Variants in RPE65 observed in about 807,000 individuals in gnomAD.
The protein encoded by RPE65 is retinoid isomerohydrolase RPE65.
In RPE65, 58 loss-of-function variants were observed where a neutral mutation model predicts 68.5. The observed-to-expected ratio is 0.85, with a 90% CI of 0.69 to 1.05. RPE65 has a LOEUF of 1.05. Among genes scored for constraint, RPE65 ranks in the 50% least tolerant of loss-of-function variants. The pLI is 0.00. For missense variants in RPE65, 643 were observed against 629.9 expected, an observed-to-expected ratio of 1.02 and a Z score of -0.22; for synonymous variants, 220 against 222.2, an observed-to-expected ratio of 0.99 and a Z score of 0.09.
At chr1:68,445,451 A>T (rs1156536765) in intron 3 of RPE65, among the ~76,000 whole-genome samples, 1 of 152,012 alleles carries the variant, frequency 6.6e-6, no homozygotes, top group Non-Finnish European at 1.5e-5. Context: ...TAGACAGCAT[A>T]CTTTGCCCAG....
In RPE65 at chr1:68,448,617, G is replaced by A. The variant is rs1468262113; in HGVS notation, c.94+7C>T. 1 of 1,613,626 alleles carries A rather than the reference G, an allele frequency of 6.2e-7. No individual in the cohort carries two copies. Among genetic ancestry groups the A allele is most frequent in the South Asian group, 1.1e-5 (1 of 90,996 alleles). ...AAGAGGATGGCTTCAAGATGGGCGA[G>A]ACCAACCTGTTACATGAGCTGTGAG... On this transcript the variant is annotated splice_region_variant and intron_variant, in intron 2 of 13. Transcript: ENST00000262340.
rs2274321 is a variant in RPE65 at position 68,440,831 on chromosome 1, G to A, written c.643+22C>T. On this transcript the variant is annotated intron_variant, in intron 6 of 13. Coordinates refer to ENST00000262340, the MANE Select transcript of RPE65 (RefSeq NM_000329.3). ...ACAATATAGACACTTATTTTCAGAA[G>A]AGGACAGATTGGTAAACTCACCTGC... 0.026 allele frequency: 41,942 copies of A among 1,613,358 alleles called. 1,168 individuals are homozygous for A. The highest frequency in any genetic ancestry group is 0.11 in the South Asian group (10,188 of 91,046).
intron 9 of RPE65, 136 bp downstream of exon 9, chr1:68,438,806 T>C (rs1258311542): frequency 2.6e-6 from 3 of 1,134,276 alleles, no homozygotes; most frequent in Non-Finnish European, 4.0e-6. Flanking sequence ...CTACTGCTTT[T>C]CCAATTACAT....
intron 10 of RPE65, among the ~76,000 whole-genome samples, chr1:68,433,692 A>G (rs897957069): frequency 4.6e-5 from 7 of 152,152 alleles, no homozygotes; most frequent in African/African-American, 1.7e-4. Flanking sequence ...GTGGTCATGC[A>G]TCTAAAATGG....
At chr1:68,449,337 G>C (rs1029822559) in intron 1 of RPE65, among the ~76,000 whole-genome samples, 7 of 152,034 alleles carry the variant, frequency 4.6e-5, no homozygotes, top group African/African-American at 1.7e-4. Context: ...GTCAGACCAG[G>C]AGATTCAGGT....
At chr1:68,439,705 AT>A in intron 6 of RPE65, 63 bp from the exon 7 acceptor site, 2 of 1,263,734 alleles carry the variant, frequency 1.6e-6, no homozygotes, top group Non-Finnish European at 2.3e-6. Flanking sequence ...AATACAAAGC[AT>A]TTAGAACAGC....
intron 5 of RPE65, among the ~76,000 whole-genome samples, chr1:68,441,294 A>G (rs1440027734): frequency 6.6e-6 from 1 of 152,160 alleles, no homozygotes; most frequent in Non-Finnish European, 1.5e-5. Flanking sequence ...TTGACCTGAA[A>G]CCATAAGTTT....
rs752527520 is a variant in RPE65 at position 68,438,959 on chromosome 1, ATC to A, written c.979_980del (p.Asp327SerfsTer8). 1 of 1,613,932 alleles carries A rather than the reference ATC, an allele frequency of 6.2e-7. No homozygotes were observed. ...TYEDNGFLIV[D>X]LCCWKGFEFV... ...TTTCTTACCCTTTCCAGCAGCAGAGATCCACAATCAGAAACCCATTGTCTTCA... is the reference window on the plus strand; with the variant it reads ...TTTCTTACCCTTTCCAGCAGCAGAGACACAATCAGAAACCCATTGTCTTCA... On this transcript the variant is annotated frameshift_variant, in exon 9 of 14. Coordinates refer to ENST00000262340, the MANE Select transcript of RPE65 (RefSeq NM_000329.3). LOFTEE classifies it high-confidence loss of function.
intron 1 of RPE65, 117 bp from the exon 2 acceptor site, chr1:68,448,823 T>C: frequency 2.7e-6 from 1 of 377,016 alleles, no homozygotes; most frequent in Admixed American, 3.0e-5. Flanking sequence ...TGTTCACTCC[T>C]GCCGGTCTAG....
intron 3 of RPE65, among the ~76,000 whole-genome samples, chr1:68,445,828 A>C (rs987162907): frequency 6.6e-6 from 1 of 151,910 alleles, no homozygotes; most frequent in Non-Finnish European, 1.5e-5. Context: ...CACTTTTATG[A>C]AGAAGAAAGA....
rs199529021 is a variant in RPE65 at position 68,448,643 on chromosome 1, C to T, written c.75G>A (p.Pro25=). 1.2e-4 allele frequency: 192 copies of T among 1,613,762 alleles called. 1 individual carries two copies. In the South Asian group the frequency reaches 1.2e-3, roughly 10 times the overall value. The change falls in exon 2 of 14, where the codon CCG becomes CCA. Residue 25 remains proline, a synonymous_variant. Transcript: ENST00000262340. The part of the protein sequence containing the change: ...LFETVEELSS[P]LTAHVTGRIP... ...ACCAACCTGTTACATGAGCTGTGAG[C>T]GGCGAGGACAGTTCCTCCACAGTTT...
At chr1:68,438,465 C>T in intron 9 of RPE65, 149 bp from the exon 10 acceptor site, 2 of 892,734 alleles carry the variant, frequency 2.2e-6, no homozygotes, top group South Asian at 1.6e-5. Flanking sequence ...GAGCCATTTC[C>T]TCCCGCCCAC....
intron 10 of RPE65, among the ~76,000 whole-genome samples, chr1:68,431,973 C>A (rs1645830366): frequency 6.6e-6 from 1 of 150,810 alleles, no homozygotes. Flanking sequence ...ACTTCGACTG[C>A]CTGAGGGATG....
At chr1:68,438,351 A>G (rs778971957) in intron 9 of RPE65, 35 bp from the exon 10 acceptor site, 1 of 1,606,334 alleles carries the variant, frequency 6.2e-7, no homozygotes, top group Admixed American at 1.7e-5. Flanking sequence ...GAGCACAGGC[A>G]ATGACAAATA....
At chr1:68,442,658 C>A (rs572208773) in intron 5 of RPE65, among the ~76,000 whole-genome samples, 2 of 152,138 alleles carry the variant, frequency 1.3e-5, no homozygotes, top group Admixed American at 1.3e-4. Flanking sequence ...AACAGTGGAA[C>A]CTGACTCCTA....
At chr1:68,443,601 C>G (rs964224476) in intron 5 of RPE65, among the ~76,000 whole-genome samples, 51 of 152,182 alleles carry the variant, frequency 3.4e-4, no homozygotes, top group African/African-American at 1.2e-3. Context: ...TCCCTTTAAG[C>G]CTTCTTTCAC....
At position 68,441,010 on chromosome 1, in the gene RPE65, T is replaced by G. The variant is rs372059562; in HGVS notation, c.496-10A>C. On this transcript the variant is annotated splice_polypyrimidine_tract_variant and intron_variant, in intron 5 of 13. Transcript: ENST00000262340. ...AGTTGCAAAGATCAACCTACGGAAG[T>G]AAAGTGAATGTCCTCCAGTTGAGAG... 2 of 1,613,598 alleles carry G rather than the reference T, an allele frequency of 1.2e-6. No individual in the cohort carries two copies. Among genetic ancestry groups the G allele is most frequent in the African/African-American group, 2.7e-5 (2 of 74,908 alleles).
intron 3 of RPE65, 101 bp downstream of exon 3, chr1:68,446,609 A>G: frequency 1.4e-6 from 2 of 1,392,390 alleles, no homozygotes; most frequent in East Asian, 2.3e-5. Flanking sequence ...AAGTGGGTAT[A>G]TAGGTTGCCT....
At chr1:68,447,828 C>T (rs565081802) in intron 2 of RPE65, among the ~76,000 whole-genome samples, 4 of 151,890 alleles carry the variant, frequency 2.6e-5, no homozygotes, top group South Asian at 4.1e-4. Context: ...CCAGCCTGGG[C>T]GACTGAGCGA....
Sources: allele counts gnomAD v4.1 joint callset (sites outside exome capture counted in the v4.1 genomes callset), GRCh38; gene constraint gnomAD v4.1.1; transcripts MANE v1.5; gene names NCBI Gene and HGNC (gene_info 2026-07-23, HGNC 2026-07-21).